The following EDC4 variants were observed in gnomAD, a reference collection of about 807,000 sequenced individuals.
The protein encoded by EDC4 is enhancer of mRNA decapping 4, also known as enhancer of mRNA-decapping protein 4.
In EDC4, 64 loss-of-function variants were observed where a neutral mutation model predicts 155.8. The ratio of observed to expected loss-of-function variants is 0.41; its 90% CI spans 0.34 to 0.51. EDC4 has a LOEUF of 0.51. EDC4 is among the 20% of genes least tolerant of loss of function. The pLI, the probability that EDC4 is intolerant of heterozygous loss-of-function variation, is 0.19. For synonymous variants in EDC4, 684 were observed against 716.8 expected, an observed-to-expected ratio of 0.95 and a Z score of 0.73; for missense variants, 1,303 against 1,812.5, an observed-to-expected ratio of 0.72 and a Z score of 5.10.
At position 67,882,545 on chromosome 16, in the gene EDC4, G is replaced by C; in HGVS notation, c.3393G>C (p.Gln1131His). The change falls in exon 25 of 29, where the codon CAG becomes CAC. Residue 1131 changes from glutamine to histidine, a missense_variant. Gln to His is a conservative substitution (Grantham distance 24). This residue lies in a region of EDC4 where 527 missense variants were observed against 757.0 expected (regional missense o/e 0.70). Coordinates refer to ENST00000358933, the MANE Select transcript of EDC4 (RefSeq NM_014329.5). This position sits in a 1 kb window ranked among gnomAD's most constrained non-coding sequence, Gnocchi z 7.2. ...VVLPAFEKSCQAMFQQINDSF... is the reference protein window; with the variant it reads ...VVLPAFEKSCHAMFQQINDSF... ...TGCCGGCCTTTGAGAAGAGCTGCCA[G>C]GCCATGTTCCAGCAAATCAATGATA... 1 of 1,614,250 alleles carries C rather than the reference G, an allele frequency of 6.2e-7. No homozygotes were observed. Among genetic ancestry groups the C allele is most frequent in the Non-Finnish European group, 8.5e-7 (1 of 1,180,046 alleles).
At position 67,884,305 on chromosome 16, in the gene EDC4, C is replaced by A; in HGVS notation, c.*157C>A. ...AGGGAGCACTGGCCGTGGTCTACAG[C>A]GTGTGGTAGTCAGAAGGTTTAGCTG... On this transcript the variant is annotated 3_prime_UTR_variant, in exon 29 of 29. Coordinates refer to ENST00000358933, the MANE Select transcript of EDC4 (RefSeq NM_014329.5). This position sits in a 1 kb window ranked among gnomAD's most constrained non-coding sequence, Gnocchi z 4.1. 1 of 697,440 alleles carries A rather than the reference C, an allele frequency of 1.4e-6. No individual in the cohort carries two copies. The highest frequency in any genetic ancestry group is 2.3e-6 in the Non-Finnish European group (1 of 433,376). The allele number at this position is 697,440 out of a possible 1,614,324, so 43.2% of individuals were successfully genotyped here. A position where few individuals can be genotyped will look rare whatever the true frequency, so the allele number is the denominator to read the frequency against.
chr16:67,878,676 G>T lies in EDC4; in HGVS notation c.1184+45G>T, dbSNP rs1345378466. 1 of 1,614,034 alleles carries T rather than the reference G, an allele frequency of 6.2e-7. No homozygotes were observed. The highest frequency in any genetic ancestry group is 8.5e-7 in the Non-Finnish European group (1 of 1,180,032). ...CTGGGGGACTGGGCAGGGGCGGCAG[G>T]GTTGGGAATGTAGCTTCCTTCAGTT... is the stretch of plus-strand genomic sequence containing the variant. On this transcript the variant is annotated intron_variant, in intron 10 of 28. Coordinates refer to ENST00000358933, the MANE Select transcript of EDC4 (RefSeq NM_014329.5). This position sits in a 1 kb window ranked among gnomAD's most constrained non-coding sequence, Gnocchi z 5.2.
rs1267550430 is a variant in EDC4, at chr16:67,876,557, C to T, written c.309C>T (p.Ser103=). 1 of 1,614,150 alleles carries T rather than the reference C, an allele frequency of 6.2e-7. No homozygotes were observed. The highest frequency in any genetic ancestry group is 1.1e-5 in the South Asian group (1 of 91,072). The change falls in exon 3 of 29, where the codon AGC becomes AGT. Residue 103 remains serine, a synonymous_variant. Coordinates refer to ENST00000358933, the MANE Select transcript of EDC4 (RefSeq NM_014329.5). This position sits in a 1 kb window ranked among gnomAD's most constrained non-coding sequence, Gnocchi z 5.8. ...ILAKEVEIVA[S]SDSSISSKAR... is the part of the protein sequence containing the mutation. ...CCAAGGAGGTGGAGATTGTGGCTAG[C>T]AGTGACTCTAGCATTTCAAGCAAGG...
intron 1 of EDC4, among the ~76,000 whole-genome samples, chr16:67,874,640 T>A (rs1446238885): frequency 6.6e-6 from 1 of 152,166 alleles, no homozygotes; most frequent in Non-Finnish European, 1.5e-5. Context: ...TGTCAGCTTG[T>A]CCCTGAGCAG....
chr16:67,877,564 C>T lies in EDC4; in HGVS notation c.697C>T (p.Arg233Cys), dbSNP rs376317457. ...AGAGGGCACGCCACTGAACCACTTT[C>T]GCAGGATCATCTGGTGCCCCTTCAT... ...QPEGTPLNHFRRIIWCPFIPE... is the reference protein window; with the variant it reads ...QPEGTPLNHFCRIIWCPFIPE... Residue 233 changes from arginine (R) to cysteine (C), a missense_variant, in exon 6 of 29, where the codon CGC becomes TGC. By Grantham distance (180) the Arg-to-Cys change is radical (BLOSUM62 -3). This residue lies in a region of EDC4 where 235 missense variants were observed against 367.7 expected (regional missense o/e 0.64). Transcript: ENST00000358933. This position sits in a 1 kb window ranked among gnomAD's most constrained non-coding sequence, Gnocchi z 4.9. The T allele has an allele frequency of 2.2e-5, 36 of 1,614,112 alleles. No homozygotes were observed. Among genetic ancestry groups the T allele is most frequent in the Non-Finnish European group, 2.6e-5 (31 of 1,180,052 alleles).
Position 67,881,243 on chromosome 16 carries a change from C to T in EDC4, c.2637-22C>T. ...TGGGCAGCAAGTGGGCAGGGGCTTA[C>T]TCCTCCTTCCCCTTCCCACAGTGAC... On this transcript the variant is annotated intron_variant, in intron 19 of 28. Coordinates refer to ENST00000358933, the MANE Select transcript of EDC4 (RefSeq NM_014329.5). This position sits in a 1 kb window ranked among gnomAD's most constrained non-coding sequence, Gnocchi z 5.4. 6.2e-7 allele frequency: 1 copy of T among 1,613,948 alleles called. No individual in the cohort carries two copies. Among genetic ancestry groups the T allele is most frequent in the Non-Finnish European group, 8.5e-7 (1 of 1,179,940 alleles).
chr16:67,882,031 T>A lies in EDC4; in HGVS notation c.3082T>A (p.Ser1028Thr). The A allele has an allele frequency of 6.2e-7, 1 of 1,612,274 alleles. No individual in the cohort carries two copies. Among genetic ancestry groups the A allele is most frequent in the Non-Finnish European group, 8.5e-7 (1 of 1,179,524 alleles). The change falls in exon 23 of 29, where the codon TCC becomes ACC. Residue 1028 changes from serine (S) to threonine (T), a missense_variant. By Grantham distance (58) the Ser-to-Thr change is moderately conservative (BLOSUM62 1). Coordinates refer to ENST00000358933, the MANE Select transcript of EDC4 (RefSeq NM_014329.5). This position sits in a 1 kb window ranked among gnomAD's most constrained non-coding sequence, Gnocchi z 7.2. ...QLQEQLTQQLSQALSSAVAGR... is the reference protein window; with the variant it reads ...QLQEQLTQQLTQALSSAVAGR... ...GCAGGAGCAGCTGACACAACAGTTGTCCCAAGCACTGTCGTCAGCTGTAGC... is the reference window on the plus strand; with the variant it reads ...GCAGGAGCAGCTGACACAACAGTTGACCCAAGCACTGTCGTCAGCTGTAGC...
At position 67,878,999 on chromosome 16, in the gene EDC4, C is replaced by G. The variant is rs369761185; in HGVS notation, c.1330C>G (p.His444Asp). 6.2e-7 allele frequency: 1 copy of G among 1,612,104 alleles called. No individual in the cohort carries two copies. Among genetic ancestry groups the G allele is most frequent in the Non-Finnish European group, 8.5e-7 (1 of 1,179,690 alleles). ...MELLQNQEEG[H>D]ACFSSISEFL... ...GCTGCTGCAAAACCAGGAGGAGGGC[C>G]ACGCCTGCTTCAGCTCCATCTCGGA... Residue 444 changes from histidine to aspartate, a missense_variant, in exon 12 of 29, where the codon CAC (histidine) becomes GAC (aspartate). By Grantham distance (81) the His-to-Asp change is moderately conservative. This residue lies in a region of EDC4 where 235 missense variants were observed against 367.7 expected (regional missense o/e 0.64). Coordinates refer to ENST00000358933, the MANE Select transcript of EDC4 (RefSeq NM_014329.5). The surrounding 1 kb of genome is among the most constrained non-coding windows in gnomAD (Gnocchi z 5.2).
chr16:67,882,719 A>G lies in EDC4; in HGVS notation c.3483A>G (p.Ala1161=). 1 of 1,614,276 alleles carries G rather than the reference A, an allele frequency of 6.2e-7. No individual in the cohort carries two copies. Among genetic ancestry groups the G allele is most frequent in the Non-Finnish European group, 8.5e-7 (1 of 1,180,050 alleles). The change falls in exon 26 of 29, where the codon GCA becomes GCG. Residue 1161 remains alanine (A), a synonymous_variant. Transcript: ENST00000358933. The surrounding 1 kb of genome is among the most constrained non-coding windows in gnomAD (Gnocchi z 7.2). ...QLESHMKSRK[A]REQEAREPVL... The stretch of plus-strand genomic sequence containing the variant: ...AAAGCCACATGAAGAGCCGGAAGGC[A>G]CGGGAACAGGAGGCCAGGGAGCCTG...
intron 1 of EDC4, chr16:67,875,729 C>T: frequency 7.3e-7 from 1 of 1,368,090 alleles, no homozygotes; most frequent in African/African-American, 1.5e-5. Flanking sequence ...GCTTGTACCC[C>T]TCCCCCAGGT....
At chr16:67,874,533 C>G (rs1216849239) in intron 1 of EDC4, among the ~76,000 whole-genome samples, 1 of 152,206 alleles carries the variant, frequency 6.6e-6, no homozygotes, top group Non-Finnish European at 1.5e-5. Flanking sequence ...GTAGACTAGA[C>G]TCCGCAGAGA....
rs771785951 is a variant in EDC4, at chr16:67,881,456, G to A, written c.2789+39G>A. On this transcript the variant is annotated intron_variant, in intron 20 of 28. Coordinates refer to ENST00000358933, the MANE Select transcript of EDC4 (RefSeq NM_014329.5). The surrounding 1 kb of genome is among the most constrained non-coding windows in gnomAD (Gnocchi z 5.4). The stretch of plus-strand genomic sequence containing the variant: ...CTAGGGAGGGAGAGGGTGGTCTCTA[G>A]GCTGCCTCACATAGCCTGAGGTGCT... 6.2e-7 allele frequency: 1 copy of A among 1,614,142 alleles called. No homozygotes were observed. The highest frequency in any genetic ancestry group is 8.5e-7 in the Non-Finnish European group (1 of 1,180,006).
chr16:67,878,824 C>T lies in EDC4; in HGVS notation c.1272C>T (p.Ser424=), dbSNP rs138790838. 1.1e-4 allele frequency: 183 copies of T among 1,613,726 alleles called. No individual in the cohort carries two copies. The African/African-American group carries it at 2.0e-3, about 18-fold the overall frequency. The change falls in exon 11 of 29, where the codon AGC becomes AGT. Residue 424 remains serine (S), a synonymous_variant. Transcript: ENST00000358933. This position sits in a 1 kb window ranked among gnomAD's most constrained non-coding sequence, Gnocchi z 5.2. ...TCTCAGCAGAATACCTGATTCTCAG[C>T]GATGTGCAACGGAAGGTAGGCTGCC... ...LDLSAEYLIL[S]DVQRKVLYVM... is the part of the protein sequence containing the mutation.
rs2058059106 is a variant in EDC4 at position 67,880,026 on chromosome 16, A to G, written c.1944-37A>G. 4.4e-6 allele frequency: 7 copies of G among 1,588,302 alleles called. No individual in the cohort carries two copies. In the East Asian group the frequency reaches 1.6e-4, roughly 36 times the overall value. On this transcript the variant is annotated intron_variant, in intron 16 of 28. Transcript: ENST00000358933. This position sits in a 1 kb window ranked among gnomAD's most constrained non-coding sequence, Gnocchi z 5.2. ...CAGGGGCTGGTACCAGATGATGCCA[A>G]GCTCTGGCTGCTGACACCTCAGCCT...
chr16:67,876,994 G>A lies in EDC4; in HGVS notation c.451+22G>A, dbSNP rs765636240. 5.0e-6 allele frequency: 8 copies of A among 1,612,458 alleles called. No homozygotes were observed. The African/African-American group carries it at 8.0e-5, about 16-fold the overall frequency. Reference sequence around the variant, plus strand: ...CGGGGTGAGTAAAGACAGTGAGGAGGAAGGAATGTTCTGCTGGATGTCCCA... The same window carrying A: ...CGGGGTGAGTAAAGACAGTGAGGAGAAAGGAATGTTCTGCTGGATGTCCCA... On this transcript the variant is annotated intron_variant, in intron 4 of 28. Coordinates refer to ENST00000358933, the MANE Select transcript of EDC4 (RefSeq NM_014329.5). The surrounding 1 kb of genome is among the most constrained non-coding windows in gnomAD (Gnocchi z 5.8).
At chr16:67,874,504 C>A (rs996080128) in intron 1 of EDC4, among the ~76,000 whole-genome samples, 1 of 152,198 alleles carries the variant, frequency 6.6e-6, no homozygotes, top group Admixed American at 6.5e-5. Flanking sequence ...GTGGACCTCT[C>A]CTGCTGCTCA....
chr16:67,884,093 C>G lies in EDC4; in HGVS notation c.4151C>G (p.Ala1384Gly). The G allele has an allele frequency of 6.2e-7, 1 of 1,614,096 alleles. No individual in the cohort carries two copies. The highest frequency in any genetic ancestry group is 8.5e-7 in the Non-Finnish European group (1 of 1,179,994). ...QAEPHNSLGK[A>G]ARRLSLMLHG... is the part of the protein sequence containing the mutation. ...GAGCCACACAACTCACTTGGCAAAG[C>G]AGCTCGGCGTCTCAGCCTCATGCTG... is the stretch of plus-strand genomic sequence containing the variant. Residue 1384 changes from alanine to glycine, a missense_variant, in exon 29 of 29, where the codon GCA (alanine) becomes GGA (glycine). Ala to Gly is a moderately conservative substitution (Grantham distance 60). Around this residue, in one of 5 missense-constraint regions of EDC4, gnomAD observed 527 missense variants for 757.0 expected, o/e 0.70. Transcript: ENST00000358933. This position sits in a 1 kb window ranked among gnomAD's most constrained non-coding sequence, Gnocchi z 4.1.
Position 67,876,986 on chromosome 16 carries a change from G to C in EDC4, c.451+14G>C. ...ATGCCATTCGGGGTGAGTAAAGACAGTGAGGAGGAAGGAATGTTCTGCTGG... is the reference window on the plus strand; with the variant it reads ...ATGCCATTCGGGGTGAGTAAAGACACTGAGGAGGAAGGAATGTTCTGCTGG... On this transcript the variant is annotated intron_variant, in intron 4 of 28. Transcript: ENST00000358933. This position sits in a 1 kb window ranked among gnomAD's most constrained non-coding sequence, Gnocchi z 5.8. 4 of 1,613,350 alleles carry C rather than the reference G, an allele frequency of 2.5e-6. No individual in the cohort carries two copies. Among genetic ancestry groups the C allele is most frequent in the Non-Finnish European group, 3.4e-6 (4 of 1,179,634 alleles).
rs776409544 is a variant in EDC4 at position 67,879,205 on chromosome 16, CA to C, written c.1469-31del. The C allele has an allele frequency of 2.5e-6, 4 of 1,614,200 alleles. No individual in the cohort carries two copies. In the South Asian group the frequency reaches 4.4e-5, roughly 18 times the overall value. ...GGGGTTGTGGAGGCACAGAGAGGGC[CA>C]GGGGCTTCATCATCCACACTGTCCT... On this transcript the variant is annotated intron_variant, in intron 12 of 28. Transcript: ENST00000358933. This position sits in a 1 kb window ranked among gnomAD's most constrained non-coding sequence, Gnocchi z 6.0.
Sources: allele counts gnomAD v4.1 joint callset (sites outside exome capture counted in the v4.1 genomes callset), GRCh38; gene constraint gnomAD v4.1.1; regional missense constraint gnomAD v4.1.1; non-coding constraint Gnocchi (gnomAD v3.1); transcripts MANE v1.5; gene names NCBI Gene and HGNC (gene_info 2026-07-23, HGNC 2026-07-21).